Variants in COLEC11 observed in about 807,000 individuals in gnomAD.
COLEC11 encodes collectin-11.
A neutral mutation model predicts 27.3 loss-of-function variants in COLEC11; 20 were observed. That is an observed-to-expected ratio of 0.73 (90% confidence interval 0.51 to 1.06). The LOEUF (loss-of-function observed/expected upper bound fraction) is 1.06. Among genes scored for constraint, COLEC11 ranks in the 50% least tolerant of loss-of-function variants. The pLI is 0.00. For missense variants in COLEC11, 310 were observed against 383.0 expected (o/e 0.81, Z 1.59); for synonymous variants, 163 against 154.7 (o/e 1.05, Z -0.40).
At chr2:3,628,613 A>T (rs1664738768) in intron 3 of COLEC11, among the ~76,000 whole-genome samples, 2 of 152,182 alleles carry the variant, frequency 1.3e-5, no homozygotes, top group Non-Finnish European at 2.9e-5. Context: ...TGGGAAAGTG[A>T]GACCCCCCAC....
At position 3,626,969 on chromosome 2, in the gene COLEC11, A is replaced by C. The variant is rs1310552646; in HGVS notation, c.203-10564A>C. Among the ~76,000 whole-genome samples the C allele has an allele frequency of 2.6e-5, 4 of 152,182 alleles. No homozygotes were observed. The East Asian group carries it at 7.7e-4, about 29-fold the overall frequency. On this transcript the variant is annotated intron_variant, in intron 3 of 6. Transcript: ENST00000349077. ...CTGGAGTCTCACTTTCCAGTGGGAC[A>C]CAGCCCTGCCAACTCCCCTGGCCCA...
rs200901540 is a variant in COLEC11 at position 3,643,944 on chromosome 2, C to T, written c.642C>T (p.Phe214=). The change falls in exon 7 of 7, where the codon TTC becomes TTT. Residue 214 remains phenylalanine, a synonymous_variant. Transcript: ENST00000349077. The part of the protein sequence containing the change: ...GINDLEKEGA[F]VYSDHSPMRT... ...ACGACCTGGAGAAGGAGGGCGCCTTCGTGTACTCTGACCACTCCCCCATGC... is the reference window on the plus strand; with the variant it reads ...ACGACCTGGAGAAGGAGGGCGCCTTTGTGTACTCTGACCACTCCCCCATGC... 3.7e-5 allele frequency: 59 copies of T among 1,614,172 alleles called. No individual in the cohort carries two copies. The East Asian group carries it at 8.0e-4, about 22-fold the overall frequency.
chr2:3,638,589 C>G (rs988539697), intron 4 of COLEC11, among the ~76,000 whole-genome samples: 8 of 152,250 alleles, frequency 5.3e-5, no homozygotes, highest in African/African-American at 1.9e-4. Context: ...ATGGTTTGTT[C>G]TGATCCATGG....
At chr2:3,640,037 A>G (rs1457189651) in intron 4 of COLEC11, among the ~76,000 whole-genome samples, 2 of 152,202 alleles carry the variant, frequency 1.3e-5, no homozygotes, top group South Asian at 2.1e-4. Flanking sequence ...GATTTTCCAG[A>G]ACTGATTTAA....
In COLEC11 at chr2:3,606,125, G is replaced by A. The variant is rs918890313; in HGVS notation, c.130+1655G>A. 19 of 1,550,636 alleles carry A rather than the reference G, an allele frequency of 1.2e-5. No individual in the cohort carries two copies. In the East Asian group the frequency reaches 4.4e-4, roughly 36 times the overall value. On this transcript the variant is annotated intron_variant, in intron 2 of 6. Coordinates refer to ENST00000349077, the MANE Select transcript of COLEC11 (RefSeq NM_024027.5). ...TGTGGGTTTGTGAGTGGAACCTTCAGCTTTAGGTTGGAAACGGTGGCTGTG... is the reference window on the plus strand; with the variant it reads ...TGTGGGTTTGTGAGTGGAACCTTCAACTTTAGGTTGGAAACGGTGGCTGTG...
In COLEC11 at chr2:3,604,451, C is replaced by T. The variant is rs758745859; in HGVS notation, c.111C>T (p.Ile37=). The change falls in exon 2 of 7, where the codon ATC becomes ATT. Residue 37 remains isoleucine, a synonymous_variant. Coordinates refer to ENST00000349077, the MANE Select transcript of COLEC11 (RefSeq NM_024027.5). The part of the protein sequence containing the change: ...PAGDDACSVQ[I]LVPGLKGDAG... The stretch of plus-strand genomic sequence containing the variant: ...GCGATGACGCCTGCTCTGTGCAGAT[C>T]CTCGTCCCTGGCCTCAAAGGTAACC... The T allele has an allele frequency of 1.4e-5, 23 of 1,614,046 alleles. No individual in the cohort carries two copies. The highest frequency in any genetic ancestry group is 1.8e-5 in the Non-Finnish European group (21 of 1,180,044).
intron 2 of COLEC11, among the ~76,000 whole-genome samples, chr2:3,608,431 G>A (rs1479389290): frequency 6.6e-6 from 1 of 152,322 alleles, no homozygotes; most frequent in East Asian, 1.9e-4. Context: ...ATGGAGTGTT[G>A]AGTGGGGACG....
chr2:3,632,781 A>G (rs1665112526), intron 3 of COLEC11, among the ~76,000 whole-genome samples: 1 of 152,186 alleles, frequency 6.6e-6, no homozygotes. Context: ...AGATGGAAAA[A>G]TGAGCAGAAT....
chr2:3,613,290 T>C (rs1193498543), intron 2 of COLEC11, 21 bp from the exon 3 acceptor site: 18 of 1,604,846 alleles, frequency 1.1e-5, no homozygotes, highest in Non-Finnish European at 1.2e-5. Flanking sequence ...AGCTGCTAAA[T>C]GGATGTGACT....
chr2:3,643,690 A>G, intron 6 of COLEC11, 37 bp from the exon 7 acceptor site: 2 of 1,613,216 alleles, frequency 1.2e-6, no homozygotes, highest in Non-Finnish European at 1.7e-6. Flanking sequence ...TTGCACACAT[A>G]CAAGTGCTCA....
Position 3,643,879 on chromosome 2 carries a change from C to A in COLEC11, c.577C>A (p.Leu193Met), listed in dbSNP as rs765878784. The A allele has an allele frequency of 2.5e-6, 4 of 1,613,812 alleles. No individual in the cohort carries two copies. Among genetic ancestry groups the A allele is most frequent in the Non-Finnish European group, 3.4e-6 (4 of 1,180,022 alleles). ...EAANGLMAAYLAQAGLARVFI... is the reference protein window; with the variant it reads ...EAANGLMAAYMAQAGLARVFI... ...TGCCAATGGCCTGATGGCCGCATAC[C>A]TGGCGCAAGCCGGCCTGGCCCGTGT... Residue 193 changes from leucine (L) to methionine (M), a missense_variant, in exon 7 of 7, where the codon CTG becomes ATG. Transcript: ENST00000349077.
At chr2:3,605,892 C>G in intron 2 of COLEC11, 1 of 574,568 alleles carries the variant, frequency 1.7e-6, no homozygotes, top group Non-Finnish European at 2.9e-6. Flanking sequence ...GGGCTTTTTT[C>G]CGGCTGTGTT....
chr2:3,617,641 AT>A (rs1663866889), intron 3 of COLEC11: 1 of 1,612,142 alleles, frequency 6.2e-7, no homozygotes, highest in Non-Finnish European at 8.5e-7. Context: ...GTTTCGACTT[AT>A]CGAATTTCTC....
At chr2:3,605,820 T>C (rs1201513928) in intron 2 of COLEC11, 3 of 367,424 alleles carry the variant, frequency 8.2e-6, no homozygotes, top group Non-Finnish European at 1.5e-5. Flanking sequence ...GTCAGCCCTC[T>C]CCCGGGGCAC....
intron 3 of COLEC11, among the ~76,000 whole-genome samples, chr2:3,616,255 G>A (rs1663720224): frequency 6.6e-6 from 1 of 151,098 alleles, no homozygotes; most frequent in Admixed American, 6.6e-5. Context: ...GCCGGGAAGA[G>A]GCGCTCCTCA....
intron 5 of COLEC11, 149 bp from the exon 6 acceptor site, chr2:3,643,295 G>T: frequency 1.4e-6 from 1 of 706,664 alleles, no homozygotes. Context: ...CTGCCTTTAG[G>T]ATGAAGTGGG....
At chr2:3,637,718 C>T (rs112172330) in intron 4 of COLEC11, 114 bp downstream of exon 4, 51 of 871,906 alleles carry the variant, frequency 5.8e-5, no homozygotes, top group African/African-American at 1.2e-4. Flanking sequence ...TATTTATATT[C>T]GGTGCATGGT....
intron 3 of COLEC11, among the ~76,000 whole-genome samples, chr2:3,622,476 G>T (rs1237106654): frequency 1.3e-5 from 2 of 152,172 alleles, no homozygotes; most frequent in African/African-American, 4.8e-5. Flanking sequence ...GCTATCATTT[G>T]AATGTTTGCC....
intron 3 of COLEC11, 87 bp from the exon 4 acceptor site, chr2:3,637,446 G>T: frequency 1.1e-6 from 1 of 933,216 alleles, no homozygotes. Flanking sequence ...GAAGGAGGGC[G>T]GTCGGGTTAT....
Sources: allele counts gnomAD v4.1 joint callset (sites outside exome capture counted in the v4.1 genomes callset), GRCh38; gene constraint gnomAD v4.1.1; transcripts MANE v1.5; gene names NCBI Gene and HGNC (gene_info 2026-07-23, HGNC 2026-07-21).